The following ACTR3B variants were observed in gnomAD, a reference collection of about 807,000 sequenced individuals.
ACTR3B encodes the protein actin related protein 3B.
In ACTR3B, 8 loss-of-function variants were observed where a neutral mutation model predicts 59.0. The ratio of observed to expected loss-of-function variants is 0.14; its 90% CI spans 0.08 to 0.24. ACTR3B has a LOEUF of 0.24. Among genes scored for constraint, ACTR3B ranks in the 10% least tolerant of loss-of-function variants. The probability of loss-of-function intolerance (pLI) is 1.00; values close to 1 mark genes in which losing one functional copy is unlikely to be tolerated. For synonymous variants in ACTR3B, 148 were observed against 197.9 expected (o/e 0.75, Z 2.12); for missense variants, 245 against 552.3 (o/e 0.44, Z 5.58).
chr7:152,824,223 G>T lies in ACTR3B; in HGVS notation c.858+708G>T, dbSNP rs561611224. ...TTTTAGATGTGTATATGACTATTTT[G>T]TACAGAGAAACAGCATAGAATGTGT... On this transcript the variant is annotated intron_variant, in intron 8 of 11. Transcript: ENST00000256001. This position sits in a 1 kb window ranked among gnomAD's most constrained non-coding sequence, Gnocchi z 4.2. Among the ~76,000 whole-genome samples the T allele has an allele frequency of 1.3e-5, 2 of 152,268 alleles. No homozygotes were observed. The highest frequency in any genetic ancestry group is 2.9e-5 in the Non-Finnish European group (2 of 68,038).
intron 1 of ACTR3B, among the ~76,000 whole-genome samples, chr7:152,767,757 C>G (rs71541782): frequency 2.0e-5 from 3 of 150,552 alleles, no homozygotes; most frequent in East Asian, 2.0e-4. Context: ...CCTTCTCTTC[C>G]ATTTTATCTT....
intron 9 of ACTR3B, among the ~76,000 whole-genome samples, chr7:152,844,301 G>A (rs1324844394): frequency 2.0e-5 from 3 of 152,026 alleles, no homozygotes; most frequent in Non-Finnish European, 2.9e-5. Context: ...CAGGTGATCC[G>A]CCTGCCTCGG....
At chr7:152,775,619 C>G (rs1375798686) in intron 1 of ACTR3B, among the ~76,000 whole-genome samples, 1 of 151,814 alleles carries the variant, frequency 6.6e-6, no homozygotes, top group African/African-American at 2.4e-5. Context: ...ATTAGCTGGG[C>G]GTGGTGGTGC....
At chr7:152,774,345 A>G (rs1321898901) in intron 1 of ACTR3B, among the ~76,000 whole-genome samples, 1 of 152,210 alleles carries the variant, frequency 6.6e-6, no homozygotes, top group East Asian at 1.9e-4. Flanking sequence ...CCTGTTGGCC[A>G]GCCTGGTCTC....
rs1590496162 is a variant in ACTR3B at position 152,854,620 on chromosome 7, A to G, written c.*67A>G. The G allele has an allele frequency of 6.5e-7, 1 of 1,526,920 alleles. No individual in the cohort carries two copies. The highest frequency in any genetic ancestry group is 9.1e-7 in the Non-Finnish European group (1 of 1,104,406). The allele number at this position is 1,526,920 out of a possible 1,614,324, so 94.6% of individuals were successfully genotyped here. A position where few individuals can be genotyped will look rare whatever the true frequency, so the allele number is the denominator to read the frequency against. The stretch of plus-strand genomic sequence containing the variant: ...ACAAGTGTCCTTCAGAACCCAGAGA[A>G]GGCCGCCGTTCTGTAAATAGCGACG... On this transcript the variant is annotated 3_prime_UTR_variant, in exon 12 of 12. Transcript: ENST00000256001. The surrounding 1 kb of genome is among the most constrained non-coding windows in gnomAD (Gnocchi z 4.9).
intron 1 of ACTR3B, among the ~76,000 whole-genome samples, chr7:152,779,678 G>A (rs2098145721): frequency 6.6e-6 from 1 of 152,134 alleles, no homozygotes; most frequent in South Asian, 2.1e-4. Context: ...CATCTCTAAT[G>A]GGGCAGGCCA....
intron 1 of ACTR3B, among the ~76,000 whole-genome samples, chr7:152,766,699 ATCTTT>A (rs1156473801): frequency 2.6e-5 from 4 of 152,248 alleles, no homozygotes; most frequent in African/African-American, 9.6e-5. Context: ...GGATTTATTC[ATCTTT>A]TCTTTATTGT....
chr7:152,803,813 A>G (rs959558804), intron 4 of ACTR3B, among the ~76,000 whole-genome samples: 2 of 152,234 alleles, frequency 1.3e-5, no homozygotes, highest in Non-Finnish European at 2.9e-5. Flanking sequence ...TAAAAAGATA[A>G]GAAAATATCG....
At chr7:152,765,906 G>T (rs529186042) in intron 1 of ACTR3B, among the ~76,000 whole-genome samples, 1 of 152,268 alleles carries the variant, frequency 6.6e-6, no homozygotes, top group African/African-American at 2.4e-5. Context: ...GGAAGGGCAA[G>T]AGTGGGTGAG....
chr7:152,779,896 C>A (rs1456330110), intron 1 of ACTR3B, among the ~76,000 whole-genome samples: 1 of 152,088 alleles, frequency 6.6e-6, no homozygotes, highest in Non-Finnish European at 1.5e-5. Flanking sequence ...AACAAAACTT[C>A]AAGTGCATTT....
At chr7:152,777,525 GTTC>G (rs200656489) in intron 1 of ACTR3B, among the ~76,000 whole-genome samples, 2,708 of 152,218 alleles carry the variant, frequency 0.018, 73 homozygotes, top group African/African-American at 0.06. Flanking sequence ...TCCATTATAT[GTTC>G]TTATTGTTAG....
At chr7:152,801,108 C>T (rs1415242924) in intron 3 of ACTR3B, among the ~76,000 whole-genome samples, 1 of 152,210 alleles carries the variant, frequency 6.6e-6, no homozygotes, top group African/African-American at 2.4e-5. Flanking sequence ...AGAGATAGGT[C>T]TTACTCTGTC....
chr7:152,823,347 A>G lies in ACTR3B; in HGVS notation c.690A>G (p.Lys230=), dbSNP rs1444635260. Residue 230 remains lysine, a synonymous_variant, in exon 8 of 12, where the codon AAA becomes AAG. Transcript: ENST00000256001. The part of the protein sequence containing the change: ...SLETAKAIKE[K]YCYICPDIVK... The stretch of plus-strand genomic sequence containing the variant: ...ATCTTTGTGTGTGTATGCAGGAGAA[A>G]TACTGTTACATTTGCCCCGATATAG... 9 of 1,613,898 alleles carry G rather than the reference A, an allele frequency of 5.6e-6. No individual in the cohort carries two copies. The highest frequency in any genetic ancestry group is 2.7e-5 in the African/African-American group (2 of 74,924).
At chr7:152,789,043 A>AACAG (rs1372935554) in intron 2 of ACTR3B, among the ~76,000 whole-genome samples, 5 of 94,302 alleles carry the variant, frequency 5.3e-5, no homozygotes, top group South Asian at 4.1e-4. Flanking sequence ...AACAACAACA[A>AACAG]CAACAACAAA....
At chr7:152,823,156 A>C (rs1448144712) in intron 7 of ACTR3B, among the ~76,000 whole-genome samples, 186 bp from the exon 8 acceptor site, 4 of 152,214 alleles carry the variant, frequency 2.6e-5, no homozygotes, top group Non-Finnish European at 5.9e-5. Context: ...CCGAAGTCCA[A>C]GTGTAACCAT....
At chr7:152,807,934 G>C (rs1441990495) in intron 4 of ACTR3B, among the ~76,000 whole-genome samples, 1 of 152,068 alleles carries the variant, frequency 6.6e-6, no homozygotes, top group East Asian at 1.9e-4. Context: ...GTGCAGCTTG[G>C]TGGCATTAGG....
chr7:152,844,116 G>T (rs180850643), intron 9 of ACTR3B, among the ~76,000 whole-genome samples: 34 of 152,260 alleles, frequency 2.2e-4, no homozygotes, highest in Non-Finnish European at 5.0e-4. Context: ...GGAGTGTAAT[G>T]GTGCCATCTC....
chr7:152,838,664 C>T (rs572335528), intron 9 of ACTR3B, among the ~76,000 whole-genome samples: 1 of 152,202 alleles, frequency 6.6e-6, no homozygotes. Flanking sequence ...ACATGTACCC[C>T]AGAACTTAAA....
At chr7:152,766,872 C>T (rs2098112091) in intron 1 of ACTR3B, among the ~76,000 whole-genome samples, 1 of 152,088 alleles carries the variant, frequency 6.6e-6, no homozygotes, top group South Asian at 2.1e-4. Context: ...GTGCAACCTC[C>T]ACCTCCTGGG....
Sources: allele counts gnomAD v4.1 joint callset (sites outside exome capture counted in the v4.1 genomes callset), GRCh38; gene constraint gnomAD v4.1.1; non-coding constraint Gnocchi (gnomAD v3.1); transcripts MANE v1.5; gene names NCBI Gene and HGNC (gene_info 2026-07-23, HGNC 2026-07-21).